Variants in GPR137C observed in about 807,000 individuals in gnomAD.
GPR137C encodes the protein G protein-coupled receptor 137C, also known as integral membrane protein GPR137C.
GPR137C carries 27 observed loss-of-function variants against 43.4 expected under a neutral mutation model. The ratio of observed to expected loss-of-function variants is 0.62; its 90% CI spans 0.46 to 0.86. GPR137C has a LOEUF of 0.86. Ranked by LOEUF, GPR137C falls within the 40% of genes least tolerant of loss-of-function variation. The pLI, the probability that GPR137C is intolerant of heterozygous loss-of-function variation, is 0.00. For missense variants in GPR137C, 522 were observed against 534.6 expected (o/e 0.98, Z 0.23); for synonymous variants, 285 against 226.9 (o/e 1.26, Z -2.30).
At chr14:52,593,080 T>G (rs887073658) in intron 1 of GPR137C, among the ~76,000 whole-genome samples, 1 of 152,188 alleles carries the variant, frequency 6.6e-6, no homozygotes, top group Non-Finnish European at 1.5e-5. Flanking sequence ...CTGCATCTAT[T>G]GAGATTATCA....
intron 1 of GPR137C, among the ~76,000 whole-genome samples, chr14:52,592,459 A>G (rs2038797023): frequency 1.3e-5 from 2 of 152,180 alleles, no homozygotes; most frequent in Admixed American, 6.5e-5. Flanking sequence ...CTTCCTATCC[A>G]TGAGCATGGA....
At chr14:52,632,332 C>T (rs372213162) in intron 4 of GPR137C, 23 bp downstream of exon 4, 11 of 1,563,160 alleles carry the variant, frequency 7.0e-6, no homozygotes, top group Non-Finnish European at 9.6e-6. Flanking sequence ...CACGTATTGC[C>T]AGTCTAACAA....
chr14:52,606,033 G>A (rs2038980128), intron 3 of GPR137C, among the ~76,000 whole-genome samples: 1 of 152,096 alleles, frequency 6.6e-6, no homozygotes, highest in South Asian at 2.1e-4. Context: ...CCTGTTTTTG[G>A]CATCAGAGGG....
intron 3 of GPR137C, chr14:52,612,506 G>A (rs1226886263): frequency 3.1e-6 from 3 of 982,726 alleles, no homozygotes; most frequent in Non-Finnish European, 3.6e-6. Context: ...CTAGAACTGT[G>A]TATCCCAGCC....
intron 1 of GPR137C, among the ~76,000 whole-genome samples, chr14:52,569,772 C>G (rs1315221437): frequency 6.6e-6 from 1 of 151,858 alleles, no homozygotes; most frequent in Non-Finnish European, 1.5e-5. Flanking sequence ...AACAAAGCCT[C>G]CAAGAAATAT....
At chr14:52,561,516 A>G (rs2038283575) in intron 1 of GPR137C, among the ~76,000 whole-genome samples, 2 of 152,228 alleles carry the variant, frequency 1.3e-5, no homozygotes, top group Admixed American at 1.3e-4. Flanking sequence ...ATGTTCCTAT[A>G]AAAACTTGAA....
chr14:52,583,594 C>G (rs2038676217), intron 1 of GPR137C, among the ~76,000 whole-genome samples: 1 of 152,198 alleles, frequency 6.6e-6, no homozygotes, highest in Non-Finnish European at 1.5e-5. Context: ...AAATCTAGCT[C>G]TTCTCAGATG....
At position 52,570,496 on chromosome 14, in the gene GPR137C, A is replaced by G. The variant is rs560544495; in HGVS notation, c.444+16905A>G. ...GACAGGATCACATTCACACATAGCA[A>G]TATTAACCTTAAATGTAAACGGGCT... On this transcript the variant is annotated intron_variant, in intron 1 of 6. Coordinates refer to ENST00000321662, the MANE Select transcript of GPR137C (RefSeq NM_001099652.2). Among the ~76,000 whole-genome samples, 3 of 152,330 alleles carry G rather than the reference A, an allele frequency of 2.0e-5. No homozygotes were observed. In the South Asian group the frequency reaches 6.2e-4, roughly 32 times the overall value.
At chr14:52,622,178 A>T (rs1315465978) in intron 3 of GPR137C, among the ~76,000 whole-genome samples, 1 of 152,010 alleles carries the variant, frequency 6.6e-6, no homozygotes, top group Non-Finnish European at 1.5e-5. Flanking sequence ...GACTTTTCAG[A>T]TAATTGTGGA....
At chr14:52,611,502 T>C (rs762350841) in intron 3 of GPR137C, 8 of 344,572 alleles carry the variant, frequency 2.3e-5, no homozygotes, top group Non-Finnish European at 3.3e-5. Context: ...TTCCTTGAAT[T>C]TTAAGGATAC....
intron 3 of GPR137C, among the ~76,000 whole-genome samples, chr14:52,618,576 T>C (rs903313963): frequency 2.6e-5 from 4 of 152,170 alleles, no homozygotes; most frequent in Non-Finnish European, 4.4e-5. Flanking sequence ...ATTTGTAGAA[T>C]TTCTAGGGCA....
chr14:52,631,156 C>T (rs1364701943), intron 3 of GPR137C, among the ~76,000 whole-genome samples: 1 of 152,094 alleles, frequency 6.6e-6, no homozygotes, highest in Non-Finnish European at 1.5e-5. Flanking sequence ...ATATTCAAAA[C>T]GGAATTAGGT....
At chr14:52,594,718 C>T (rs2038830176) in intron 1 of GPR137C, among the ~76,000 whole-genome samples, 1 of 152,098 alleles carries the variant, frequency 6.6e-6, no homozygotes, top group Non-Finnish European at 1.5e-5. Context: ...TGTCTCTGCA[C>T]ATGAGATGGG....
intron 1 of GPR137C, among the ~76,000 whole-genome samples, chr14:52,557,485 T>G (rs528753326): frequency 6.6e-6 from 1 of 152,360 alleles, no homozygotes; most frequent in African/African-American, 2.4e-5. Flanking sequence ...TCTCATATCC[T>G]GAGTCAGTTA....
Position 52,632,760 on chromosome 14 carries a change from G to T in GPR137C, c.867+451G>T, listed in dbSNP as rs190859518. 1.1e-4 allele frequency among the ~76,000 whole-genome samples: 16 copies of T among 152,102 alleles called. No individual in the cohort carries two copies. In the East Asian group the frequency reaches 3.1e-3, roughly 29 times the overall value. On this transcript the variant is annotated intron_variant, in intron 4 of 6. Transcript: ENST00000321662. ...AAATAATGGCTTTCATAAAAATCTG[G>T]CTTTGTCAGTCTTGATAATGGGAGA...
At chr14:52,576,987 C>G (rs1200569864) in intron 1 of GPR137C, among the ~76,000 whole-genome samples, 1 of 151,762 alleles carries the variant, frequency 6.6e-6, no homozygotes, top group Non-Finnish European at 1.5e-5. Context: ...GTCAGGAGTT[C>G]GAGACCAGCC....
chr14:52,633,129 G>A (rs188219160), intron 4 of GPR137C, among the ~76,000 whole-genome samples: 4 of 152,202 alleles, frequency 2.6e-5, no homozygotes, highest in African/African-American at 7.2e-5. Context: ...GAGCTGAGCT[G>A]AGTGACTTAA....
intron 1 of GPR137C, among the ~76,000 whole-genome samples, chr14:52,554,128 C>T (rs1465614828): frequency 6.6e-6 from 1 of 152,158 alleles, no homozygotes; most frequent in Non-Finnish European, 1.5e-5. Flanking sequence ...CTCGATAAGC[C>T]TCACATAAAT....
chr14:52,605,065 T>G (rs780111640), intron 3 of GPR137C, among the ~76,000 whole-genome samples: 3 of 152,214 alleles, frequency 2.0e-5, no homozygotes, highest in Non-Finnish European at 4.4e-5. Flanking sequence ...CCATATAATT[T>G]TAGGACTTTT....
Sources: gnomAD v4.1 joint callset for allele counts (sites outside exome capture counted in the v4.1 genomes callset) on GRCh38, gnomAD v4.1.1 for gene constraint, MANE v1.5 for transcripts, NCBI Gene and HGNC (gene_info 2026-07-23, HGNC 2026-07-21) for gene names.